PCDHGA3: variants seen among roughly 807,000 people sequenced by gnomAD.
The protein encoded by PCDHGA3 is protocadherin gamma-A3.
In PCDHGA3, 40 loss-of-function variants were observed where a neutral mutation model predicts 58.5. The observed-to-expected ratio is 0.68, with a 90% CI of 0.53 to 0.89. PCDHGA3 has a LOEUF of 0.89. Among genes scored for constraint, PCDHGA3 ranks in the 40% least tolerant of loss-of-function variants. The pLI is 0.00. For missense variants in PCDHGA3, 1,223 were observed against 1,195.9 expected, an observed-to-expected ratio of 1.02 and a Z score of -0.33; for synonymous variants, 530 against 525.7, an observed-to-expected ratio of 1.01 and a Z score of -0.11.
chr5:141,484,788 TAAC>T (rs1245576501), intron 1 of PCDHGA3, among the ~76,000 whole-genome samples: 1 of 151,732 alleles, frequency 6.6e-6, no homozygotes, highest in Non-Finnish European at 1.5e-5. Flanking sequence ...CCCACAGAGA[TAAC>T]AACCCGTGGA....
chr5:141,393,373 A>G lies in PCDHGA3; in HGVS notation c.2424+46916A>G, dbSNP rs1364997808. 1 of 1,613,956 alleles carries G rather than the reference A, an allele frequency of 6.2e-7. No homozygotes were observed. The highest frequency in any genetic ancestry group is 1.3e-5 in the African/African-American group (1 of 75,054). On this transcript the variant is annotated intron_variant, in intron 1 of 3. Transcript: ENST00000253812. ...TCCCTGGACGTGCAGACTGGAGACA[A>G]TGGAGCCATAAACCCAGAGCTGGTG...
At chr5:141,492,163 C>T (rs921256341) in intron 1 of PCDHGA3, among the ~76,000 whole-genome samples, 22 of 152,232 alleles carry the variant, frequency 1.4e-4, no homozygotes, top group African/African-American at 5.3e-4. Context: ...CCTCCCTATC[C>T]CCGCATCACC....
At chr5:141,393,166 G>A in intron 1 of PCDHGA3, 2 of 1,613,244 alleles carry the variant, frequency 1.2e-6, no homozygotes, top group Non-Finnish European at 1.7e-6. Flanking sequence ...AAACTCTTTG[G>A]GGTAGAAATA....
Position 141,491,965 on chromosome 5 carries a change from G to A in PCDHGA3, c.2425-2842G>A. 1 of 946,810 alleles carries A rather than the reference G, an allele frequency of 1.1e-6. No individual in the cohort carries two copies. Among genetic ancestry groups the A allele is most frequent in the Non-Finnish European group, 1.5e-6 (1 of 672,398 alleles). 58.7% of individuals were successfully genotyped at this position (946,810 alleles called of 1,614,324 possible). On this transcript the variant is annotated intron_variant, in intron 1 of 3. Coordinates refer to ENST00000253812, the MANE Select transcript of PCDHGA3 (RefSeq NM_018916.4). The surrounding 1 kb of genome is among the most constrained non-coding windows in gnomAD (Gnocchi z 6.9). ...CCCACCCCTACACTCAAAAAAGGCC[G>A]GGGCCTCCTTCGAGCTTCCGGTGAA...
Position 141,486,656 on chromosome 5 carries a change from C to A in PCDHGA3, c.2425-8151C>A. 6.2e-7 allele frequency: 1 copy of A among 1,614,020 alleles called. No homozygotes were observed. Among genetic ancestry groups the A allele is most frequent in the Non-Finnish European group, 8.5e-7 (1 of 1,180,038 alleles). On this transcript the variant is annotated intron_variant, in intron 1 of 3. Transcript: ENST00000253812. This position sits in a 1 kb window ranked among gnomAD's most constrained non-coding sequence, Gnocchi z 5.0. ...GAATGCGCTTATCTCCTACTCACTCCTGGAGCCCAGGAATCGAGATGTATC... is the reference window on the plus strand; with the variant it reads ...GAATGCGCTTATCTCCTACTCACTCATGGAGCCCAGGAATCGAGATGTATC...
chr5:141,381,188 T>G (rs1271101708), intron 1 of PCDHGA3, among the ~76,000 whole-genome samples: 1 of 152,222 alleles, frequency 6.6e-6, no homozygotes, highest in Non-Finnish European at 1.5e-5. Context: ...GAAGTTAAGC[T>G]TTCTTAGTGT....
chr5:141,363,364 A>T (rs1230836148), intron 1 of PCDHGA3, among the ~76,000 whole-genome samples: 1 of 152,174 alleles, frequency 6.6e-6, no homozygotes, highest in Non-Finnish European at 1.5e-5. Flanking sequence ...CATTTTTTTC[A>T]ATCAAGAGGT....
chr5:141,444,305 A>G (rs62379165), intron 1 of PCDHGA3, among the ~76,000 whole-genome samples: 13,327 of 151,310 alleles, frequency 0.088, 765 homozygotes, highest in African/African-American at 0.16. Context: ...CCTAGTAGCT[A>G]GGATTACAGG....
intron 1 of PCDHGA3, among the ~76,000 whole-genome samples, chr5:141,451,924 G>C (rs1337159204): frequency 1.3e-5 from 2 of 152,008 alleles, no homozygotes; most frequent in African/African-American, 4.8e-5. Context: ...AAGGAAGGGA[G>C]GTAGGGAGGC....
Position 141,346,139 on chromosome 5 carries a change from C to G in PCDHGA3, c.2106C>G (p.Cys702Trp). ...YLVVAVAAVS[C>W]VFLAFVIVLL... ...TGGTGGCGGTGGCCGCGGTCTCCTG[C>G]GTCTTCCTGGCCTTCGTCATCGTGC... Residue 702 changes from cysteine (C) to tryptophan (W), a missense_variant, in exon 1 of 4, where the codon TGC becomes TGG. This residue lies in a region of PCDHGA3 where 325 missense variants were observed against 327.5 expected (regional missense o/e 0.99). Coordinates refer to ENST00000253812, the MANE Select transcript of PCDHGA3 (RefSeq NM_018916.4). The G allele has an allele frequency of 6.2e-7, 1 of 1,613,984 alleles. No individual in the cohort carries two copies. Among genetic ancestry groups the G allele is most frequent in the Non-Finnish European group, 8.5e-7 (1 of 1,179,926 alleles).
chr5:141,388,118 C>G (rs771996326), intron 1 of PCDHGA3: 1 of 1,412,700 alleles, frequency 7.1e-7, no homozygotes, highest in African/African-American at 1.4e-5. Flanking sequence ...TCACCGTGAG[C>G]GCAGAGAGCG....
In PCDHGA3 at chr5:141,491,225, T is replaced by G. The variant is rs764111440; in HGVS notation, c.2425-3582T>G. The stretch of plus-strand genomic sequence containing the variant: ...CCTTCACTCTCCTCCACAGCCACAG[T>G]GCTGCTGGTTCTGGAGGATGAGGAC... On this transcript the variant is annotated intron_variant, in intron 1 of 3. Transcript: ENST00000253812. This position sits in a 1 kb window ranked among gnomAD's most constrained non-coding sequence, Gnocchi z 6.9. 6.2e-7 allele frequency: 1 copy of G among 1,614,232 alleles called. No individual in the cohort carries two copies. Among genetic ancestry groups the G allele is most frequent in the Non-Finnish European group, 8.5e-7 (1 of 1,180,028 alleles).
intron 1 of PCDHGA3, chr5:141,441,731 C>G: frequency 2.8e-6 from 1 of 362,226 alleles, no homozygotes; most frequent in South Asian, 2.2e-5. Context: ...GCGACCAGGA[C>G]TAGCTCGCGC....
chr5:141,404,363 A>G (rs1459982001), intron 1 of PCDHGA3: 15 of 1,613,846 alleles, frequency 9.3e-6, no homozygotes, highest in African/African-American at 1.3e-5. Flanking sequence ...AGGTACTTCC[A>G]TCTTCTCCGT....
chr5:141,420,042 A>T, intron 1 of PCDHGA3: 2 of 1,614,048 alleles, frequency 1.2e-6, no homozygotes, highest in Non-Finnish European at 8.5e-7. Context: ...GACTGCTTTG[A>T]GTCAGTTCTC....
At chr5:141,445,207 AAAGT>A (rs1322618652) in intron 1 of PCDHGA3, among the ~76,000 whole-genome samples, 1 of 152,196 alleles carries the variant, frequency 6.6e-6, no homozygotes, top group Non-Finnish European at 1.5e-5. Flanking sequence ...ATGCTTTTGA[AAAGT>A]AAGAGGTGCA....
intron 1 of PCDHGA3, chr5:141,417,894 G>A (rs751319373): frequency 1.3e-5 from 21 of 1,573,688 alleles, no homozygotes; most frequent in African/African-American, 2.7e-5. Context: ...CGCCGGGCCG[G>A]CCCGCGGCAG....
Position 141,431,954 on chromosome 5 carries a change from G to T in PCDHGA3, c.2425-62853G>T. On this transcript the variant is annotated intron_variant, in intron 1 of 3. Coordinates refer to ENST00000253812, the MANE Select transcript of PCDHGA3 (RefSeq NM_018916.4). The surrounding 1 kb of genome is among the most constrained non-coding windows in gnomAD (Gnocchi z 4.8). Reference sequence around the variant, plus strand: ...GCCCTTTAAATTAGAAAAATCTTACGGAAATTACTATAGTTTAGTCACAGA... The same window carrying T: ...GCCCTTTAAATTAGAAAAATCTTACTGAAATTACTATAGTTTAGTCACAGA... The T allele has an allele frequency of 6.2e-7, 1 of 1,614,110 alleles. No homozygotes were observed. Among genetic ancestry groups the T allele is most frequent in the Non-Finnish European group, 8.5e-7 (1 of 1,180,010 alleles).
In PCDHGA3 at chr5:141,404,391, A is replaced by T. The variant is rs773558298; in HGVS notation, c.2424+57934A>T. On this transcript the variant is annotated intron_variant, in intron 1 of 3. Transcript: ENST00000253812. ...TTCTCCGTGATTGCCTATGACCCTG[A>T]TAGCAATGAGAATTCTAGAGTTATT... 3.7e-6 allele frequency: 6 copies of T among 1,613,806 alleles called. No homozygotes were observed. Among genetic ancestry groups the T allele is most frequent in the Non-Finnish European group, 5.1e-6 (6 of 1,179,894 alleles).
Sources: allele counts gnomAD v4.1 joint callset (sites outside exome capture counted in the v4.1 genomes callset), GRCh38; gene constraint gnomAD v4.1.1; regional missense constraint gnomAD v4.1.1; non-coding constraint Gnocchi (gnomAD v3.1); transcripts MANE v1.5; gene names NCBI Gene and HGNC (gene_info 2026-07-23, HGNC 2026-07-21).